The following AP4E1 variants were observed in gnomAD, a reference collection of about 807,000 sequenced individuals.
AP4E1 encodes the protein adaptor related protein complex 4 subunit epsilon 1.
AP4E1 carries 56 observed loss-of-function variants against 128.2 expected under a neutral mutation model. The ratio of observed to expected loss-of-function variants is 0.44; its 90% confidence interval spans 0.35 to 0.55. The LOEUF (loss-of-function observed/expected upper bound fraction) is 0.55. Ranked by LOEUF, AP4E1 falls within the 20% of genes least tolerant of loss-of-function variation. The pLI, the probability that AP4E1 is intolerant of heterozygous loss-of-function variation, is 0.00. For missense variants in AP4E1, 1,324 were observed against 1,307.7 expected (o/e 1.01, Z -0.19); for synonymous variants, 484 against 473.1 (o/e 1.02, Z -0.30).
chr15:50,998,371 C>T (rs572648272), intron 18 of AP4E1, among the ~76,000 whole-genome samples: 3 of 152,026 alleles, frequency 2.0e-5, no homozygotes, highest in Admixed American at 2.0e-4. Context: ...GTGGCTTATG[C>T]CTGTAATCCC....
intron 8 of AP4E1, among the ~76,000 whole-genome samples, chr15:50,938,921 A>G (rs773379689): frequency 6.6e-6 from 1 of 152,196 alleles, no homozygotes; most frequent in Non-Finnish European, 1.5e-5. Flanking sequence ...TAATGTCAGT[A>G]GATACTTATT....
At chr15:50,990,274 CAT>C (rs1176214057) in intron 16 of AP4E1, among the ~76,000 whole-genome samples, 1 of 150,748 alleles carries the variant, frequency 6.6e-6, no homozygotes, top group Admixed American at 6.6e-5. Flanking sequence ...AATTAAGAAG[CAT>C]ATTTTTTATA....
chr15:50,969,340 T>C (rs1400079174), intron 15 of AP4E1, among the ~76,000 whole-genome samples: 1 of 152,160 alleles, frequency 6.6e-6, no homozygotes, highest in African/African-American at 2.4e-5. Context: ...ATGATCTCAT[T>C]CTTTTTTATG....
Position 51,001,048 on chromosome 15 carries a change from G to A in AP4E1, c.3118G>A (p.Asp1040Asn), listed in dbSNP as rs368578986. The A allele has an allele frequency of 1.1e-5, 17 of 1,612,492 alleles. No individual in the cohort carries two copies. In the African/African-American group the frequency reaches 1.7e-4, roughly 16 times the overall value. The change falls in exon 20 of 21, where the codon GAC becomes AAC. Residue 1040 changes from aspartate (D) to asparagine (N), a missense_variant. Asp to Asn is a conservative substitution (Grantham distance 23). Coordinates refer to ENST00000261842, the MANE Select transcript of AP4E1 (RefSeq NM_007347.5). ...CAGACCATTAAAAATCTCAAGTGAC[G>A]ACTTTGGGAAACTCTGGTTATCCTT... ...FIRPLKISSD[D>N]FGKLWLSFAN...
chr15:50,949,746 AT>A, intron 11 of AP4E1, 79 bp from the exon 12 acceptor site: 1 of 1,133,132 alleles, frequency 8.8e-7, no homozygotes, highest in Non-Finnish European at 1.3e-6. Flanking sequence ...AATTGGGGTT[AT>A]TTTTTAAAAG....
At chr15:50,922,829 G>A (rs2063723296) in intron 3 of AP4E1, among the ~76,000 whole-genome samples, 1 of 151,328 alleles carries the variant, frequency 6.6e-6, no homozygotes, top group South Asian at 2.1e-4. Flanking sequence ...CTGGTCTGGA[G>A]TGCAGTGGCG....
chr15:50,943,465 G>T (rs1326097509), intron 10 of AP4E1, among the ~76,000 whole-genome samples: 1 of 151,952 alleles, frequency 6.6e-6, no homozygotes, highest in African/African-American at 2.4e-5. Context: ...TACATGCCTT[G>T]GATCTGGGCA....
chr15:50,950,530 G>T (rs937957419), intron 13 of AP4E1, among the ~76,000 whole-genome samples: 2 of 152,080 alleles, frequency 1.3e-5, no homozygotes, highest in Non-Finnish European at 2.9e-5. Flanking sequence ...ATAGAAGGAG[G>T]TTCATCTTTA....
intron 16 of AP4E1, among the ~76,000 whole-genome samples, chr15:50,985,427 A>G (rs1396329825): frequency 1.3e-5 from 2 of 152,038 alleles, no homozygotes; most frequent in East Asian, 1.9e-4. Context: ...TTCTTCTAGG[A>G]TTTTTATGGT....
chr15:50,993,672 T>C (rs1400805326), intron 17 of AP4E1, 47 bp downstream of exon 17: 1 of 1,611,342 alleles, frequency 6.2e-7, no homozygotes, highest in Non-Finnish European at 8.5e-7. Context: ...CATCTGTCTG[T>C]ACAAAAAAAA....
Position 50,964,305 on chromosome 15 carries a change from T to C in AP4E1, c.1852-3958T>C, listed in dbSNP as rs776889097. 3.7e-4 allele frequency among the ~76,000 whole-genome samples: 56 copies of C among 152,192 alleles called. 1 individual carries two copies. Among genetic ancestry groups the C allele is most frequent in the Admixed American group, 1.5e-3 (23 of 15,280 alleles). On this transcript the variant is annotated intron_variant, in intron 14 of 20. Transcript: ENST00000261842. Reference sequence around the variant, plus strand: ...TTTCATTCATTGAATTCTTCAGTTCTATGAGTTCTGTTTGTTTCTTATTTA... The same window carrying C: ...TTTCATTCATTGAATTCTTCAGTTCCATGAGTTCTGTTTGTTTCTTATTTA...
At chr15:50,945,677 A>G (rs745349660) in intron 10 of AP4E1, 3 of 783,234 alleles carry the variant, frequency 3.8e-6, no homozygotes, top group East Asian at 2.4e-5. Context: ...GACAGCAAGT[A>G]TATTATGTGT....
At chr15:50,991,642 G>A (rs1304939345) in intron 16 of AP4E1, among the ~76,000 whole-genome samples, 1 of 152,070 alleles carries the variant, frequency 6.6e-6, no homozygotes, top group East Asian at 1.9e-4. Flanking sequence ...AAATCATTGA[G>A]AAGGAATGAA....
At chr15:50,938,677 A>G (rs953106693) in intron 8 of AP4E1, among the ~76,000 whole-genome samples, 1 of 152,114 alleles carries the variant, frequency 6.6e-6, no homozygotes, top group African/African-American at 2.4e-5. Context: ...CCTGGTGGAC[A>G]GTCAGAACTT....
At chr15:50,938,440 A>G (rs2063938216) in intron 8 of AP4E1, among the ~76,000 whole-genome samples, 1 of 152,136 alleles carries the variant, frequency 6.6e-6, no homozygotes, top group Non-Finnish European at 1.5e-5. Flanking sequence ...ATCACCAGGT[A>G]TAATGACATG....
At chr15:50,977,433 C>G (rs940877316) in intron 15 of AP4E1, among the ~76,000 whole-genome samples, 2 of 152,072 alleles carry the variant, frequency 1.3e-5, no homozygotes, top group Admixed American at 1.3e-4. Context: ...TGGGATTAAA[C>G]GCTCAAACTA....
intron 3 of AP4E1, among the ~76,000 whole-genome samples, chr15:50,920,075 TA>T (rs759743982): frequency 0.24 from 21,493 of 87,890 alleles, 2,370 homozygotes; most frequent in East Asian, 0.47. Flanking sequence ...ATAATATGTC[TA>T]AAAAAAAAAA....
intron 14 of AP4E1, 63 bp downstream of exon 14, chr15:50,958,857 A>T: frequency 2.0e-6 from 3 of 1,501,972 alleles, no homozygotes; most frequent in Non-Finnish European, 2.8e-6. Context: ...TAATTCTTGC[A>T]TTTGTGACAT....
At chr15:50,982,286 A>G (rs1273656435) in intron 15 of AP4E1, among the ~76,000 whole-genome samples, 2 of 152,082 alleles carry the variant, frequency 1.3e-5, no homozygotes, top group Admixed American at 1.3e-4. Flanking sequence ...GTTATGTTGC[A>G]TTGTCTTATA....
Sources: allele counts gnomAD v4.1 joint callset (sites outside exome capture counted in the v4.1 genomes callset), GRCh38; gene constraint gnomAD v4.1.1; transcripts MANE v1.5; gene names NCBI Gene and HGNC (gene_info 2026-07-23, HGNC 2026-07-21).